HSCB: variants seen among roughly 807,000 people sequenced by gnomAD.
The protein encoded by HSCB is iron-sulfur cluster co-chaperone protein HscB.
A neutral mutation model predicts 31.3 loss-of-function variants in HSCB; 23 were observed. The ratio of observed to expected loss-of-function variants is 0.74; its 90% confidence interval spans 0.53 to 1.04. HSCB has a LOEUF of 1.04. HSCB is among the 50% of genes least tolerant of loss of function. HSCB has a pLI of 0.00. For missense variants in HSCB, 297 were observed against 288.1 expected (o/e 1.03, Z -0.22); for synonymous variants, 110 against 104.5 (o/e 1.05, Z -0.32).
In HSCB at chr22:28,750,945, C is replaced by CTTTTTTTTTTTTTTTTTTTTTTTT; in HGVS notation, c.569-295_569-272dup. Among the ~76,000 whole-genome samples the CTTTTTTTTTTTTTTTTTTTTTTTT allele has an allele frequency of 1.9e-3, 109 of 56,452 alleles. 14 individuals carry two copies. The highest frequency in any genetic ancestry group is 0.016 in the Middle Eastern group (1 of 64). 37.0% of individuals were successfully genotyped at this position (56,452 alleles called of 152,430 possible). On this transcript the variant is annotated intron_variant, in intron 4 of 5. Transcript: ENST00000216027. ...GGAGATAATCAAAGTATATCTTTGT[C>CTTTTTTTTTTTTTTTTTTTTTTTT]TTTTTTTTTTTTTTTTTTTTTTTTA...
chr22:28,750,274 A>AAAAAAAAAAAAAC (rs2030140845), intron 4 of HSCB, among the ~76,000 whole-genome samples: 1 of 138,664 alleles, frequency 7.2e-6, no homozygotes, highest in East Asian at 2.3e-4. Flanking sequence ...AAAAAAAAAA[A>AAAAAAAAAAAAAC]AACACTTATT....
chr22:28,744,593 C>T (rs747731716), intron 2 of HSCB, 22 bp from the exon 3 acceptor site: 1 of 1,525,888 alleles, frequency 6.6e-7, no homozygotes, highest in African/African-American at 1.4e-5. Flanking sequence ...GGTAATAGTA[C>T]TATCTTCATC....
chr22:28,748,077 C>G (rs912203781), intron 4 of HSCB, among the ~76,000 whole-genome samples: 1 of 152,036 alleles, frequency 6.6e-6, no homozygotes, highest in African/African-American at 2.4e-5. Flanking sequence ...GCCAGCTACT[C>G]GGGAGGCTGA....
rs758451182 is a variant in HSCB, at chr22:28,750,945, CTT to C, written c.569-273_569-272del. Among the ~76,000 whole-genome samples, 14 of 56,452 alleles carry C rather than the reference CTT, an allele frequency of 2.5e-4. 2 individuals carry two copies. In the South Asian group the frequency reaches 3.3e-3, roughly 13 times the overall value. The allele number at this position is 56,452 out of a possible 152,430, so 37.0% of individuals were successfully genotyped here. ...GGAGATAATCAAAGTATATCTTTGT[CTT>C]TTTTTTTTTTTTTTTTTTTTTTACT... On this transcript the variant is annotated intron_variant, in intron 4 of 5. Coordinates refer to ENST00000216027, the MANE Select transcript of HSCB (RefSeq NM_172002.5).
intron 4 of HSCB, among the ~76,000 whole-genome samples, chr22:28,747,883 C>T (rs1047227039): frequency 6.7e-6 from 1 of 149,148 alleles, no homozygotes. Context: ...CTTTCCCCCC[C>T]AAAAAAATCT....
rs763392186 is a variant in HSCB at position 28,745,920 on chromosome 22, A to G, written c.480A>G (p.Gln160=). ...GGACAGATTATGAAATGGACAGGCA[A>G]TTCCTCATAGAAATAATGGAAATCA... The part of the protein sequence containing the change: ...PERTDYEMDR[Q]FLIEIMEINE... Residue 160 remains glutamine (Q), a synonymous_variant, in exon 4 of 6, where the codon CAA becomes CAG. Transcript: ENST00000216027. 45 of 1,613,524 alleles carry G rather than the reference A, an allele frequency of 2.8e-5. No homozygotes were observed. Among genetic ancestry groups the G allele is most frequent in the Admixed American group, 5.0e-5 (3 of 59,982 alleles).
intron 4 of HSCB, 65 bp downstream of exon 4, chr22:28,746,073 G>A: frequency 6.6e-7 from 1 of 1,511,342 alleles, no homozygotes; most frequent in South Asian, 1.2e-5. Context: ...AAGGATTAGT[G>A]AAAAATGAAC....
chr22:28,756,996 A>G, intron 5 of HSCB, 82 bp from the exon 6 acceptor site: 3 of 802,620 alleles, frequency 3.7e-6, no homozygotes, highest in Non-Finnish European at 6.7e-6. Flanking sequence ...GGCTCCACTT[A>G]TATATCGCTG....
At chr22:28,746,065 G>A (rs2054682266) in intron 4 of HSCB, 57 bp downstream of exon 4, 1 of 1,533,972 alleles carries the variant, frequency 6.5e-7, no homozygotes, top group Non-Finnish European at 8.9e-7. Context: ...ACTTGTCCAA[G>A]GATTAGTGAA....
chr22:28,751,323 A>G (rs1446674768), intron 5 of HSCB, 35 bp downstream of exon 5: 1 of 1,353,960 alleles, frequency 7.4e-7, no homozygotes. Flanking sequence ...AAATATGGAA[A>G]GAAATTTCAA....
intron 3 of HSCB, among the ~76,000 whole-genome samples, chr22:28,744,987 G>A (rs1185729838): frequency 2.0e-5 from 3 of 151,364 alleles, no homozygotes; most frequent in Non-Finnish European, 4.4e-5. Context: ...GGAAGCTGAA[G>A]CAGGAGGATC....
chr22:28,752,882 C>A (rs1413143661), intron 5 of HSCB, among the ~76,000 whole-genome samples: 2 of 151,538 alleles, frequency 1.3e-5, no homozygotes, highest in African/African-American at 4.9e-5. Context: ...AGTTCGAGAC[C>A]AGCCTGACAA....
intron 5 of HSCB, among the ~76,000 whole-genome samples, chr22:28,752,693 C>A (rs957287838): frequency 6.7e-6 from 1 of 149,062 alleles, no homozygotes; most frequent in Non-Finnish European, 1.5e-5. Context: ...GAGATCGCGC[C>A]ACTGCACTCC....
chr22:28,749,174 T>A (rs779849659), intron 4 of HSCB, among the ~76,000 whole-genome samples: 2 of 151,636 alleles, frequency 1.3e-5, no homozygotes, highest in Non-Finnish European at 2.9e-5. Context: ...AAGTGGCTTC[T>A]CACTGCTCTA....
At chr22:28,751,713 G>A (rs889393745) in intron 5 of HSCB, among the ~76,000 whole-genome samples, 13 of 146,908 alleles carry the variant, frequency 8.8e-5, no homozygotes, top group African/African-American at 1.0e-4. Flanking sequence ...GCCACTGCAC[G>A]CCAGCCTGAG....
At position 28,742,237 on chromosome 22, in the gene HSCB, T is replaced by G; in HGVS notation, c.142T>G (p.Trp48Gly). ...CCGCTGTTGGAACTGCGGCGGCCCA[T>G]GGGGCCCCGGGCGGGAGGACAGGTT... The part of the protein sequence containing the change: ...YPRCWNCGGP[W>G]GPGREDRFFC... Residue 48 changes from tryptophan to glycine, a missense_variant, in exon 1 of 6, where the codon TGG becomes GGG. Coordinates refer to ENST00000216027, the MANE Select transcript of HSCB (RefSeq NM_172002.5). The G allele has an allele frequency of 6.2e-7, 1 of 1,613,920 alleles. No homozygotes were observed. The highest frequency in any genetic ancestry group is 2.2e-5 in the East Asian group (1 of 44,848).
intron 1 of HSCB, among the ~76,000 whole-genome samples, chr22:28,743,472 C>T (rs1406971687): frequency 2.0e-5 from 3 of 152,206 alleles, no homozygotes; most frequent in Admixed American, 2.0e-4. Flanking sequence ...GGCAAAGAAT[C>T]TTTGTCTGTG....
chr22:28,745,862 A>G lies in HSCB; in HGVS notation c.424-2A>G, dbSNP rs141670340. 2.5e-6 allele frequency: 4 copies of G among 1,603,070 alleles called. No individual in the cohort carries two copies. In the African/African-American group the frequency reaches 5.4e-5, roughly 22 times the overall value. On this transcript the variant is annotated splice_acceptor_variant, in intron 3 of 5. Coordinates refer to ENST00000216027, the MANE Select transcript of HSCB (RefSeq NM_172002.5). LOFTEE classifies it high-confidence loss of function. ...TATTTTTCTTGCTTTCTACCCCAAT[A>G]GCTAAAGCTCCATGGAATAGAGATT...
intron 4 of HSCB, among the ~76,000 whole-genome samples, chr22:28,749,144 GAAAA>G (rs5844822): frequency 2.8e-5 from 4 of 144,440 alleles, no homozygotes; most frequent in Non-Finnish European, 6.1e-5. Context: ...ACGTCTCAAA[GAAAA>G]AAAAAAAAAA....
Sources: gnomAD v4.1 joint callset for allele counts (sites outside exome capture counted in the v4.1 genomes callset) on GRCh38, gnomAD v4.1.1 for gene constraint, MANE v1.5 for transcripts, NCBI Gene and HGNC (gene_info 2026-07-23, HGNC 2026-07-21) for gene names.